Variants in CASS4 observed in about 807,000 individuals in gnomAD.
CASS4 encodes cas scaffolding protein family member 4.
CASS4 carries 22 observed loss-of-function variants against 54.2 expected under a neutral mutation model. The ratio of observed to expected loss-of-function variants is 0.41; its 90% CI spans 0.29 to 0.58. The LOEUF is 0.58. CASS4 is among the 20% of genes least tolerant of loss of function. CASS4 has a pLI of 0.36. For missense variants in CASS4, 854 were observed against 986.7 expected (o/e 0.87, Z 1.80); for synonymous variants, 409 against 391.5 (o/e 1.04, Z -0.53).
At chr20:56,420,805 A>G (rs1979378003) in intron 1 of CASS4, among the ~76,000 whole-genome samples, 1 of 152,166 alleles carries the variant, frequency 6.6e-6, no homozygotes, top group South Asian at 2.1e-4. Context: ...GGTGTTCCCC[A>G]AAGTGAGGTG....
At chr20:56,457,245 G>A (rs1364593320) in intron 5 of CASS4, among the ~76,000 whole-genome samples, 3 of 152,176 alleles carry the variant, frequency 2.0e-5, no homozygotes, top group Non-Finnish European at 2.9e-5. Context: ...TGAATTTTGA[G>A]ATAATAGGTA....
chr20:56,439,537 G>A (rs569590096), intron 2 of CASS4, among the ~76,000 whole-genome samples: 7 of 151,668 alleles, frequency 4.6e-5, no homozygotes, highest in East Asian at 4.0e-4. Context: ...TTAGGCAGGC[G>A]TGGTGGCAGG....
rs1834962735 is a variant in CASS4, at chr20:56,452,128, A to G, written c.952A>G (p.Arg318Gly). The stretch of plus-strand genomic sequence containing the variant: ...TCCTTCTTATGGCTTTCTTGTACCC[A>G]GAGGCACATTTCCTTTGGATGAAGA... ...EIPSYGFLVP[R>G]GTFPLDEDVS... is the part of the protein sequence containing the mutation. Residue 318 changes from arginine (R) to glycine (G), a missense_variant, in exon 5 of 6, where the codon AGA becomes GGA. By Grantham distance (125) the Arg-to-Gly change is moderately radical (BLOSUM62 -2). Coordinates refer to ENST00000679887, the MANE Select transcript of CASS4 (RefSeq NM_020356.4). 4 of 1,614,058 alleles carry G rather than the reference A, an allele frequency of 2.5e-6. No individual in the cohort carries two copies. Among genetic ancestry groups the G allele is most frequent in the Non-Finnish European group, 3.4e-6 (4 of 1,180,042 alleles).
chr20:56,452,969 T>C lies in CASS4; in HGVS notation c.1793T>C (p.Val598Ala), dbSNP rs757585031. 16 of 1,614,110 alleles carry C rather than the reference T, an allele frequency of 9.9e-6. No homozygotes were observed. Among genetic ancestry groups the C allele is most frequent in the Non-Finnish European group, 1.4e-5 (16 of 1,180,032 alleles). The stretch of plus-strand genomic sequence containing the variant: ...CGGAACTGTGAAAAGGAAGAGACTG[T>C]GCAGTTGACCCCAAATGCAGAATTT... ...FKRNCEKEET[V>A]QLTPNAEFKC... Residue 598 changes from valine (V) to alanine (A), a missense_variant, in exon 5 of 6, where the codon GTG becomes GCG. Physicochemically the swap from Val to Ala is moderately conservative, Grantham distance 64 (BLOSUM62 0). Coordinates refer to ENST00000679887, the MANE Select transcript of CASS4 (RefSeq NM_020356.4).
In CASS4 at chr20:56,437,326, C is replaced by T. The variant is rs748199976; in HGVS notation, c.199C>T (p.Arg67Cys). The T allele has an allele frequency of 8.1e-6, 13 of 1,613,916 alleles. No individual in the cohort carries two copies. The highest frequency in any genetic ancestry group is 3.3e-5 in the South Asian group (3 of 91,062). The change falls in exon 2 of 6, where the codon CGC becomes TGC. Residue 67 changes from arginine (R) to cysteine (C), a missense_variant. Transcript: ENST00000679887. The surrounding 1 kb of genome is among the most constrained non-coding windows in gnomAD (Gnocchi z 4.7). ...HGRQGLAPANRLQILTEVAAD... is the reference protein window; with the variant it reads ...HGRQGLAPANCLQILTEVAAD... ...GAGGCAAGGCCTGGCCCCTGCCAAC[C>T]GCCTCCAAATCCTCACGGAGGTCGC...
chr20:56,456,234 C>T lies in CASS4; in HGVS notation c.1954-2106C>T, dbSNP rs76703772. Reference sequence around the variant, plus strand: ...TGCCTATAGAAGTCCCTAGTCAATGCGATAACCAAAACTATCTCCACACAT... The same window carrying T: ...TGCCTATAGAAGTCCCTAGTCAATGTGATAACCAAAACTATCTCCACACAT... On this transcript the variant is annotated intron_variant, in intron 5 of 5. Transcript: ENST00000679887. 6.3e-3 allele frequency among the ~76,000 whole-genome samples: 957 copies of T among 152,048 alleles called. 10 individuals carry two copies. Among genetic ancestry groups the T allele is most frequent in the African/African-American group, 0.022 (905 of 41,428 alleles).
chr20:56,443,278 T>C (rs1980546665), intron 2 of CASS4, among the ~76,000 whole-genome samples: 1 of 150,894 alleles, frequency 6.6e-6, no homozygotes, highest in Admixed American at 6.6e-5. Context: ...GGTCAGGAGT[T>C]CAAAACCAGC....
intron 1 of CASS4, among the ~76,000 whole-genome samples, chr20:56,419,307 T>C (rs62209418): frequency 0.019 from 2,941 of 152,306 alleles, 44 homozygotes; most frequent in Non-Finnish European, 0.029. Context: ...ATAACGCCTA[T>C]GAAGTGTTTG....
chr20:56,445,753 G>A (rs973839462), intron 2 of CASS4, 147 bp from the exon 3 acceptor site: 2 of 594,286 alleles, frequency 3.4e-6, no homozygotes, highest in Admixed American at 5.6e-5. Context: ...TGTCTTGAGA[G>A]TGAAGAGCCT....
At position 56,437,711 on chromosome 20, in the gene CASS4, C is replaced by G; in HGVS notation, c.459+125C>G. On this transcript the variant is annotated intron_variant, in intron 2 of 5. Coordinates refer to ENST00000679887, the MANE Select transcript of CASS4 (RefSeq NM_020356.4). The surrounding 1 kb of genome is among the most constrained non-coding windows in gnomAD (Gnocchi z 4.7). ...GCAAAACGGGAGCCCAGATTGCTGG[C>G]AATCACGCTCGGGGAGCTTGTGTGC... 5.6e-6 allele frequency: 5 copies of G among 889,870 alleles called. No individual in the cohort carries two copies. Among genetic ancestry groups the G allele is most frequent in the Non-Finnish European group, 8.2e-6 (5 of 611,556 alleles). 55.1% of individuals were successfully genotyped at this position (889,870 alleles called of 1,614,324 possible).
intron 1 of CASS4, among the ~76,000 whole-genome samples, chr20:56,421,140 A>G (rs1275161283): frequency 1.3e-5 from 2 of 152,202 alleles, no homozygotes; most frequent in Non-Finnish European, 2.9e-5. Flanking sequence ...CTTCCGGGTC[A>G]ATCAAATGGA....
In CASS4 at chr20:56,412,499, G is replaced by A; in HGVS notation, c.36+5G>A. 1 of 1,611,862 alleles carries A rather than the reference G, an allele frequency of 6.2e-7. No homozygotes were observed. The highest frequency in any genetic ancestry group is 8.5e-7 in the Non-Finnish European group (1 of 1,178,954). On this transcript the variant is annotated splice_donor_5th_base_variant and intron_variant, in intron 1 of 5. Transcript: ENST00000679887. This position sits in a 1 kb window ranked among gnomAD's most constrained non-coding sequence, Gnocchi z 4.2. ...ATCATGGACTGTGCGCCCAAGGTGA[G>A]TGATGTGGGGCTGTTTGAATGGGCT...
chr20:56,460,023 A>G lies in CASS4; in HGVS notation c.*1276A>G, dbSNP rs1462895340. The stretch of plus-strand genomic sequence containing the variant: ...TAATTTTTATTGCATCCATTAGATA[A>G]TAGAGTAAGTTTTTTGTTGTTTTGA... On this transcript the variant is annotated 3_prime_UTR_variant, in exon 6 of 6. Coordinates refer to ENST00000679887, the MANE Select transcript of CASS4 (RefSeq NM_020356.4). 4 of 152,508 alleles carry G rather than the reference A, an allele frequency of 2.6e-5. No individual in the cohort carries two copies. The highest frequency in any genetic ancestry group is 4.8e-5 in the African/African-American group (2 of 41,454). 9.4% of individuals were successfully genotyped at this position (152,508 alleles called of 1,614,324 possible).
intron 5 of CASS4, among the ~76,000 whole-genome samples, chr20:56,456,824 C>A (rs1307556971): frequency 6.6e-6 from 1 of 152,044 alleles, no homozygotes; most frequent in Non-Finnish European, 1.5e-5. Flanking sequence ...GACTACAGGC[C>A]CGCACCGCCA....
chr20:56,458,909 G>T lies in CASS4; in HGVS notation c.*162G>T. ...TACCAAGTGGCTAAGCAACCCCAGG[G>T]CATTGACTTACCCCGCAGGGGGTCA... On this transcript the variant is annotated 3_prime_UTR_variant, in exon 6 of 6. Coordinates refer to ENST00000679887, the MANE Select transcript of CASS4 (RefSeq NM_020356.4). The T allele has an allele frequency of 1.5e-6, 1 of 669,378 alleles. No homozygotes were observed. 41.5% of individuals were successfully genotyped at this position (669,378 alleles called of 1,614,324 possible).
intron 2 of CASS4, among the ~76,000 whole-genome samples, chr20:56,440,988 ATTT>A (rs751312557): frequency 3.7e-5 from 5 of 134,894 alleles, no homozygotes; most frequent in African/African-American, 2.9e-5. Flanking sequence ...AAAAAAAAAA[ATTT>A]TTTTTTTTTT....
intron 1 of CASS4, among the ~76,000 whole-genome samples, chr20:56,416,908 T>A (rs1290676487): frequency 6.6e-6 from 1 of 152,226 alleles, no homozygotes; most frequent in African/African-American, 2.4e-5. Flanking sequence ...CATTTAAATG[T>A]GATTATCTTT....
chr20:56,432,453 C>T (rs1979955761), intron 1 of CASS4, among the ~76,000 whole-genome samples: 2 of 150,432 alleles, frequency 1.3e-5, no homozygotes, highest in Admixed American at 6.6e-5. Context: ...CTGCAACCTC[C>T]ACCTCCTGGG....
At chr20:56,453,214 A>G in intron 5 of CASS4, 85 bp downstream of exon 5, 3 of 962,666 alleles carry the variant, frequency 3.1e-6, no homozygotes, top group Non-Finnish European at 4.7e-6. Flanking sequence ...GACTCTTTCC[A>G]TAGTGTATAG....
Sources: allele counts gnomAD v4.1 joint callset (sites outside exome capture counted in the v4.1 genomes callset), GRCh38; gene constraint gnomAD v4.1.1; non-coding constraint Gnocchi (gnomAD v3.1); transcripts MANE v1.5; gene names NCBI Gene and HGNC (gene_info 2026-07-23, HGNC 2026-07-21).